The following CBLB variants were observed in gnomAD, a reference collection of about 807,000 sequenced individuals.
The protein encoded by CBLB is E3 ubiquitin-protein ligase CBL-B.
A neutral mutation model predicts 104.9 loss-of-function variants in CBLB; 31 were observed. The observed-to-expected ratio is 0.30, with a 90% CI of 0.22 to 0.40. The LOEUF is 0.40. CBLB is among the 10% of genes least tolerant of loss of function. The pLI, the probability that CBLB is intolerant of heterozygous loss-of-function variation, is 1.00. For synonymous variants in CBLB, 440 were observed against 422.6 expected (o/e 1.04, Z -0.51); for missense variants, 1,062 against 1,214.6 (o/e 0.87, Z 1.87).
chr3:105,829,474 C>G (rs2087088720), intron 3 of CBLB, among the ~76,000 whole-genome samples: 1 of 151,942 alleles, frequency 6.6e-6, no homozygotes, highest in South Asian at 2.1e-4. Flanking sequence ...GCCTAGGCAA[C>G]ATGGCGAGAC....
intron 6 of CBLB, among the ~76,000 whole-genome samples, chr3:105,741,477 G>A (rs902385370): frequency 1.3e-5 from 2 of 149,664 alleles, no homozygotes; most frequent in African/African-American, 4.9e-5. Flanking sequence ...CTCACTGCAA[G>A]CTCCGCCTCC....
At chr3:105,660,277 C>T (rs573922964) in intron 18 of CBLB, among the ~76,000 whole-genome samples, 207 of 152,206 alleles carry the variant, frequency 1.4e-3, no homozygotes, top group Non-Finnish European at 1.5e-3. Context: ...CTCCACCTCC[C>T]GAGTTCAAGC....
intron 4 of CBLB, among the ~76,000 whole-genome samples, chr3:105,752,014 TATA>T (rs1412259474): frequency 1.3e-5 from 2 of 152,188 alleles, no homozygotes; most frequent in African/African-American, 4.8e-5. Context: ...GATGGGTCCA[TATA>T]ATAATAGAAA....
intron 18 of CBLB, among the ~76,000 whole-genome samples, chr3:105,666,590 G>T (rs1010105624): frequency 1.3e-5 from 2 of 152,118 alleles, no homozygotes; most frequent in Non-Finnish European, 2.9e-5. Flanking sequence ...GGAAGCTGAG[G>T]CATGAGAACT....
intron 16 of CBLB, 142 bp from the exon 17 acceptor site, chr3:105,678,713 T>C: frequency 2.2e-6 from 2 of 899,524 alleles, no homozygotes; most frequent in Middle Eastern, 2.6e-4. Flanking sequence ...TCACCAACTT[T>C]GATAATGGGA....
chr3:105,751,065 G>C (rs572360077), intron 5 of CBLB, among the ~76,000 whole-genome samples: 10 of 152,296 alleles, frequency 6.6e-5, no homozygotes, highest in African/African-American at 2.4e-4. Context: ...AATAAACACA[G>C]AAGGCAAAGG....
rs541192147 is a variant in CBLB at position 105,791,774 on chromosome 3, C to G, written c.420-15232G>C. ...TGAATACAGTACCACATGGGGATAT[C>G]TGTAAATAGCAATGGGTGGCCTAGC... On this transcript the variant is annotated intron_variant, in intron 3 of 18. Coordinates refer to ENST00000394030, the MANE Select transcript of CBLB (RefSeq NM_170662.5). Among the ~76,000 whole-genome samples the G allele has an allele frequency of 3.3e-5, 5 of 152,334 alleles. No individual in the cohort carries two copies. In the East Asian group the frequency reaches 9.6e-4, roughly 29 times the overall value.
At chr3:105,838,615 G>C (rs1348626316) in intron 3 of CBLB, among the ~76,000 whole-genome samples, 1 of 151,018 alleles carries the variant, frequency 6.6e-6, no homozygotes, top group Admixed American at 6.6e-5. Context: ...GAAGAGAATT[G>C]CAATCCATCT....
At chr3:105,779,873 G>A (rs1235692633) in intron 3 of CBLB, among the ~76,000 whole-genome samples, 4 of 150,204 alleles carry the variant, frequency 2.7e-5, no homozygotes, top group Non-Finnish European at 5.9e-5. Flanking sequence ...TTTTTTTTGA[G>A]ATGGAGTTTT....
chr3:105,829,666 CAAAAAAAAAA>C (rs71627689), intron 3 of CBLB, among the ~76,000 whole-genome samples: 3 of 47,022 alleles, frequency 6.4e-5, no homozygotes, highest in South Asian at 1.2e-3. Context: ...AAGACCGTCC[CAAAAAAAAAA>C]AAAAAAAAAA....
chr3:105,805,834 A>C (rs1340047989), intron 3 of CBLB, among the ~76,000 whole-genome samples: 1 of 152,122 alleles, frequency 6.6e-6, no homozygotes, highest in Non-Finnish European at 1.5e-5. Context: ...GTAGGACATT[A>C]ATTCTTTTAT....
chr3:105,671,873 T>C (rs1348823856), intron 17 of CBLB: 3 of 193,306 alleles, frequency 1.6e-5, no homozygotes, highest in African/African-American at 2.3e-5. Flanking sequence ...GTGGTCCAGC[T>C]CCATTAATTT....
chr3:105,760,352 G>A (rs577460328), intron 4 of CBLB, among the ~76,000 whole-genome samples: 3 of 152,166 alleles, frequency 2.0e-5, no homozygotes, highest in South Asian at 2.1e-4. Flanking sequence ...GTAAAAAATA[G>A]AAAGATTCAG....
In CBLB at chr3:105,678,502, A is replaced by G. The variant is rs114011929; in HGVS notation, c.2498T>C (p.Ile833Thr). 258 of 1,614,038 alleles carry G rather than the reference A, an allele frequency of 1.6e-4. 2 individuals are homozygous for G. The South Asian group carries it at 2.6e-3, about 16-fold the overall frequency. Residue 833 changes from isoleucine (I) to threonine (T), a missense_variant, in exon 17 of 19, where the codon ATT becomes ACT. This residue lies in a region of CBLB where 605 missense variants were observed against 582.6 expected (regional missense o/e 1.04). Coordinates refer to ENST00000394030, the MANE Select transcript of CBLB (RefSeq NM_170662.5). ...GGAGCCAGGAGGTTTTGAATGTTCA[A>G]TGAGACTATGCCTTGCAGGAGGTGG... Reference protein sequence around the residue: ...PPPPPARHSLIEHSKPPGSSS... With the variant: ...PPPPPARHSLTEHSKPPGSSS...
chr3:105,782,586 T>A (rs9861492), intron 3 of CBLB, among the ~76,000 whole-genome samples: 1 of 130,184 alleles, frequency 7.7e-6, no homozygotes, highest in Non-Finnish European at 1.6e-5. Flanking sequence ...TTCTTTTTTT[T>A]TTTTTTTTTT....
chr3:105,864,579 A>G (rs561833024), intron 2 of CBLB, among the ~76,000 whole-genome samples: 21 of 152,306 alleles, frequency 1.4e-4, no homozygotes, highest in African/African-American at 4.8e-4. Context: ...ATATGCTACT[A>G]TCTACTATTC....
intron 4 of CBLB, among the ~76,000 whole-genome samples, chr3:105,759,283 C>T (rs1402395068): frequency 6.6e-6 from 1 of 152,124 alleles, no homozygotes; most frequent in Non-Finnish European, 1.5e-5. Context: ...GAAGTGTGTG[C>T]TGACTGGTCC....
At position 105,867,406 on chromosome 3, in the gene CBLB, T is replaced by TTA. The variant is rs1310832437; in HGVS notation, c.168+2_168+3dup. On this transcript the variant is annotated splice_donor_region_variant and intron_variant, in intron 2 of 18. Transcript: ENST00000394030. ...TCGCACAGGCAACGTCAGACAGAAC[T>TTA]TACCACTTTGTCCATGAGCTTCCAA... The TTA allele has an allele frequency of 3.7e-6, 6 of 1,614,108 alleles. No individual in the cohort carries two copies. The highest frequency in any genetic ancestry group is 5.1e-6 in the Non-Finnish European group (6 of 1,179,952).
chr3:105,742,195 G>A (rs1446114683), intron 6 of CBLB, among the ~76,000 whole-genome samples: 1 of 152,064 alleles, frequency 6.6e-6, no homozygotes, highest in Non-Finnish European at 1.5e-5. Context: ...TAAATCTGTT[G>A]GCTATATTTT....
Sources: allele counts gnomAD v4.1 joint callset (sites outside exome capture counted in the v4.1 genomes callset), GRCh38; gene constraint gnomAD v4.1.1; regional missense constraint gnomAD v4.1.1; transcripts MANE v1.5; gene names NCBI Gene and HGNC (gene_info 2026-07-23, HGNC 2026-07-21).